The following KCNB2 variants were observed in gnomAD, a reference collection of about 807,000 sequenced individuals.
The protein encoded by KCNB2 is delayed rectifier potassium channel protein.
KCNB2 carries 15 observed loss-of-function variants against 61.5 expected under a neutral mutation model. The observed-to-expected ratio is 0.24, with a 90% CI of 0.16 to 0.38. The LOEUF is 0.38. KCNB2 is among the 10% of genes least tolerant of loss of function. The pLI is 1.00. For missense variants in KCNB2, 828 were observed against 1,125.2 expected (o/e 0.74, Z 3.78); for synonymous variants, 457 against 446.0 (o/e 1.02, Z -0.31).
intron 2 of KCNB2, among the ~76,000 whole-genome samples, chr8:72,591,903 C>T (rs1360615056): frequency 3.3e-5 from 5 of 152,094 alleles, no homozygotes; most frequent in African/African-American, 4.8e-5. Flanking sequence ...AGAATAGTAT[C>T]ACTGAGACTA....
chr8:72,713,584 C>T (rs561677723), intron 2 of KCNB2, among the ~76,000 whole-genome samples: 8 of 152,304 alleles, frequency 5.3e-5, no homozygotes, highest in Admixed American at 1.3e-4. Context: ...CTCCAACAGA[C>T]GTGCAGCTGA....
At chr8:72,657,201 G>T (rs1047399888) in intron 2 of KCNB2, among the ~76,000 whole-genome samples, 1 of 152,138 alleles carries the variant, frequency 6.6e-6, no homozygotes, top group Non-Finnish European at 1.5e-5. Context: ...TGTAGGAATA[G>T]TGGTCAATTA....
At chr8:72,851,821 T>G (rs1585931954) in intron 2 of KCNB2, among the ~76,000 whole-genome samples, 1 of 22,352 alleles carries the variant, frequency 4.5e-5, no homozygotes, top group African/African-American at 1.4e-4. Context: ...ATGTAGAAGC[T>G]GTAGGAAAAA....
intron 2 of KCNB2, among the ~76,000 whole-genome samples, chr8:72,664,132 G>A (rs182321255): frequency 6.6e-6 from 1 of 152,314 alleles, no homozygotes; most frequent in East Asian, 1.9e-4. Context: ...AAAGCTGTAA[G>A]ATCCCAGGAG....
intron 2 of KCNB2, among the ~76,000 whole-genome samples, chr8:72,719,017 A>G (rs1807499643): frequency 6.6e-6 from 1 of 152,158 alleles, no homozygotes; most frequent in African/African-American, 2.4e-5. Context: ...AGTAGTAACA[A>G]GAGACTTTAG....
At chr8:72,932,213 A>G (rs1457686581) in intron 2 of KCNB2, among the ~76,000 whole-genome samples, 1 of 152,206 alleles carries the variant, frequency 6.6e-6, no homozygotes, top group Non-Finnish European at 1.5e-5. Flanking sequence ...GAAGGCCTGG[A>G]AATTATCCCC....
At chr8:72,541,864 C>T (rs1806192475) in intron 1 of KCNB2, among the ~76,000 whole-genome samples, 1 of 152,004 alleles carries the variant, frequency 6.6e-6, no homozygotes, top group Non-Finnish European at 1.5e-5. Context: ...TTATTTTGAA[C>T]ATAGTATTAC....
At chr8:72,682,063 T>C (rs546282861) in intron 2 of KCNB2, among the ~76,000 whole-genome samples, 17 of 152,362 alleles carry the variant, frequency 1.1e-4, no homozygotes, top group Admixed American at 1.0e-3. Context: ...ATTTTCATGT[T>C]TTCTAGACAT....
At chr8:72,927,071 C>A (rs146969182) in intron 2 of KCNB2, among the ~76,000 whole-genome samples, 64 of 152,214 alleles carry the variant, frequency 4.2e-4, no homozygotes, top group African/African-American at 1.5e-3. Flanking sequence ...TGGAGTGGGG[C>A]CGGAGAATTA....
At chr8:72,644,836 T>C (rs755737139) in intron 2 of KCNB2, among the ~76,000 whole-genome samples, 5 of 152,128 alleles carry the variant, frequency 3.3e-5, no homozygotes, top group Non-Finnish European at 7.3e-5. Flanking sequence ...ACGAAACTGA[T>C]ATTTAGAGAA....
intron 2 of KCNB2, among the ~76,000 whole-genome samples, chr8:72,664,863 A>G (rs968191613): frequency 1.3e-5 from 2 of 152,236 alleles, no homozygotes; most frequent in Non-Finnish European, 2.9e-5. Context: ...TAAGGTTATC[A>G]GGGAAGGCTG....
chr8:72,582,008 C>T (rs1806906782), intron 2 of KCNB2, among the ~76,000 whole-genome samples: 1 of 152,150 alleles, frequency 6.6e-6, no homozygotes, highest in South Asian at 2.1e-4. Flanking sequence ...TAGGTTCAAC[C>T]ATCCACCCTT....
rs145960199 is a variant in KCNB2, at chr8:72,737,407, G to T, written c.579+169094G>T. On this transcript the variant is annotated intron_variant, in intron 2 of 2. Coordinates refer to ENST00000523207, the MANE Select transcript of KCNB2 (RefSeq NM_004770.3). ...CAATTCAGAGTTACTGTGGGACAAG[G>T]TTACACCTTCACAGCTTGTAAACAT... 1.6e-3 allele frequency among the ~76,000 whole-genome samples: 244 copies of T among 152,020 alleles called. 1 individual carries two copies. The highest frequency in any genetic ancestry group is 3.1e-3 in the African/African-American group (129 of 41,560).
At chr8:72,549,316 C>T (rs1806308433) in intron 1 of KCNB2, among the ~76,000 whole-genome samples, 1 of 152,184 alleles carries the variant, frequency 6.6e-6, no homozygotes, top group Admixed American at 6.5e-5. Flanking sequence ...ATAATGCTAG[C>T]TCATCCTGTA....
At chr8:72,704,147 C>A (rs1807179183) in intron 2 of KCNB2, among the ~76,000 whole-genome samples, 1 of 152,068 alleles carries the variant, frequency 6.6e-6, no homozygotes, top group Non-Finnish European at 1.5e-5. Flanking sequence ...GAGTTCAAGT[C>A]CCAATTATTT....
At chr8:72,758,978 G>A (rs1019766128) in intron 2 of KCNB2, among the ~76,000 whole-genome samples, 2 of 152,198 alleles carry the variant, frequency 1.3e-5, no homozygotes, top group African/African-American at 4.8e-5. Context: ...GACAGCTGGA[G>A]AATGAGGATA....
intron 2 of KCNB2, among the ~76,000 whole-genome samples, chr8:72,698,376 T>C (rs1279304264): frequency 6.6e-6 from 1 of 151,984 alleles, no homozygotes; most frequent in Non-Finnish European, 1.5e-5. Context: ...CATAAACAAA[T>C]GGAAAAACAT....
chr8:72,798,995 T>TG (rs1251576015), intron 2 of KCNB2, among the ~76,000 whole-genome samples: 1 of 152,148 alleles, frequency 6.6e-6, no homozygotes, highest in South Asian at 2.1e-4. Context: ...CCACCATCTC[T>TG]GGGGGCATTA....
At chr8:72,792,742 A>T (rs776355330) in intron 2 of KCNB2, among the ~76,000 whole-genome samples, 1 of 152,246 alleles carries the variant, frequency 6.6e-6, no homozygotes, top group African/African-American at 2.4e-5. Context: ...TGATAGCTCT[A>T]CTGATAGCCT....
Sources: allele counts gnomAD v4.1 joint callset (sites outside exome capture counted in the v4.1 genomes callset), GRCh38; gene constraint gnomAD v4.1.1; transcripts MANE v1.5; gene names NCBI Gene and HGNC (gene_info 2026-07-23, HGNC 2026-07-21).